MARCHF10: variants seen among roughly 807,000 people sequenced by gnomAD.
MARCHF10 encodes membrane associated ring-CH-type finger 10, also known as probable E3 ubiquitin-protein ligase MARCHF10.
Under a neutral mutation model 76.2 loss-of-function variants are expected in MARCHF10, and 64 were observed. The observed-to-expected ratio is 0.84, with a 90% CI of 0.69 to 1.03. The LOEUF is 1.03. MARCHF10 is among the 50% of genes least tolerant of loss of function. The pLI, the probability that MARCHF10 is intolerant of heterozygous loss-of-function variation, is 0.00. For missense variants in MARCHF10, 875 were observed against 958.0 expected (o/e 0.91, Z 1.14); for synonymous variants, 340 against 357.5 (o/e 0.95, Z 0.55).
intron 10 of MARCHF10, chr17:62,704,945 CG>C (rs1599021898): frequency 1.2e-6 from 1 of 856,830 alleles, no homozygotes. Context: ...TTTCTCCAGT[CG>C]TTTTTTTTTT....
At chr17:62,733,052 T>C (rs2147783943) in intron 6 of MARCHF10, among the ~76,000 whole-genome samples, 1 of 139,768 alleles carries the variant, frequency 7.2e-6, no homozygotes, top group Admixed American at 7.0e-5. Flanking sequence ...AAACTACAAA[T>C]TGGGAAAAGA....
At position 62,725,095 on chromosome 17, in the gene MARCHF10, C is replaced by A; in HGVS notation, c.1947G>T (p.Glu649Asp). 2 of 1,587,746 alleles carry A rather than the reference C, an allele frequency of 1.3e-6. No homozygotes were observed. Among genetic ancestry groups the A allele is most frequent in the Middle Eastern group, 3.4e-4 (2 of 5,868 alleles). ...KLKKLQESLL[E>D]EDSEEEGDLC... is the part of the protein sequence containing the mutation. ...AGTCTCCCTCCTCCTCGGAGTCCTC[C>A]TCCAGGAGACTAAATGTGAAAACAA... The change falls in exon 7 of 11, where the codon GAG (glutamate) becomes GAT (aspartate). Residue 649 changes from glutamate (E) to aspartate (D), a missense_variant. Coordinates refer to ENST00000311269, the MANE Select transcript of MARCHF10 (RefSeq NM_152598.4).
At chr17:62,702,119 G>A (rs1357008179) in intron 10 of MARCHF10, among the ~76,000 whole-genome samples, 2 of 152,202 alleles carry the variant, frequency 1.3e-5, no homozygotes, top group East Asian at 1.9e-4. Flanking sequence ...ATTTGGCAGG[G>A]AAGGGGGAAC....
intron 5 of MARCHF10, among the ~76,000 whole-genome samples, chr17:62,739,554 T>C (rs920047291): frequency 7.9e-5 from 12 of 152,010 alleles, no homozygotes; most frequent in African/African-American, 2.4e-4. Context: ...GCTAATTTTG[T>C]ATTTTTAGTA....
rs199694541 is a variant in MARCHF10 at position 62,711,218 on chromosome 17, C to T, written c.2328+13G>A. The T allele has an allele frequency of 6.8e-6, 11 of 1,612,392 alleles. No individual in the cohort carries two copies. In the East Asian group the frequency reaches 1.1e-4, roughly 16 times the overall value. ...GCTGCCACCGGACAGCTCTGGGTCA[C>T]AGCCAGACTTACCCTCTCTCTTTCC... is the stretch of plus-strand genomic sequence containing the variant. On this transcript the variant is annotated intron_variant, in intron 9 of 10. Coordinates refer to ENST00000311269, the MANE Select transcript of MARCHF10 (RefSeq NM_152598.4). This position sits in a 1 kb window ranked among gnomAD's most constrained non-coding sequence, Gnocchi z 4.4.
chr17:62,715,936 G>C (rs563030040), intron 8 of MARCHF10, among the ~76,000 whole-genome samples: 5 of 152,272 alleles, frequency 3.3e-5, no homozygotes, highest in Admixed American at 3.3e-4. Context: ...AAAGGCCACC[G>C]ACAGTGCTGA....
intron 3 of MARCHF10, among the ~76,000 whole-genome samples, chr17:62,783,622 C>T (rs918659621): frequency 1.3e-5 from 2 of 151,966 alleles, no homozygotes; most frequent in Non-Finnish European, 2.9e-5. Context: ...AATTGATAGA[C>T]TGCTAACAAG....
chr17:62,800,868 T>C (rs998988533), intron 2 of MARCHF10, among the ~76,000 whole-genome samples: 3 of 151,998 alleles, frequency 2.0e-5, no homozygotes, highest in Admixed American at 6.5e-5. Flanking sequence ...ACGTAAACAC[T>C]GTAACTAGGG....
intron 6 of MARCHF10, among the ~76,000 whole-genome samples, chr17:62,725,557 G>A (rs572448518): frequency 5.3e-5 from 8 of 152,352 alleles, no homozygotes; most frequent in Admixed American, 1.3e-4. Flanking sequence ...GAGCCCCTGG[G>A]CCTGGCTGAG....
At chr17:62,721,523 T>C (rs948627204) in intron 8 of MARCHF10, among the ~76,000 whole-genome samples, 19 of 152,200 alleles carry the variant, frequency 1.2e-4, no homozygotes, top group African/African-American at 4.6e-4. Flanking sequence ...ATTGTGGATA[T>C]TGCCAACAAA....
At chr17:62,770,663 C>A (rs952265613) in intron 3 of MARCHF10, among the ~76,000 whole-genome samples, 41 of 151,682 alleles carry the variant, frequency 2.7e-4, no homozygotes, top group African/African-American at 9.7e-4. Flanking sequence ...GCCTCAGCCT[C>A]CTGAGTAGCT....
At chr17:62,799,132 G>T (rs1214468605) in intron 2 of MARCHF10, among the ~76,000 whole-genome samples, 1 of 152,160 alleles carries the variant, frequency 6.6e-6, no homozygotes, top group Non-Finnish European at 1.5e-5. Context: ...GGAGCTGATG[G>T]ACAAGTAAAT....
intron 5 of MARCHF10, among the ~76,000 whole-genome samples, chr17:62,742,617 G>A (rs2091553690): frequency 6.6e-6 from 1 of 152,042 alleles, no homozygotes; most frequent in African/African-American, 2.4e-5. Flanking sequence ...AATTGTATGA[G>A]TCCCATCCGT....
chr17:62,722,277 CAAA>C (rs57370093), intron 8 of MARCHF10, among the ~76,000 whole-genome samples: 105 of 78,920 alleles, frequency 1.3e-3, no homozygotes, highest in African/African-American at 3.2e-3. Context: ...GACTCTGTCT[CAAA>C]AAAAAAAAAA....
chr17:62,744,125 G>A (rs1437532818), intron 5 of MARCHF10, among the ~76,000 whole-genome samples: 4 of 152,040 alleles, frequency 2.6e-5, no homozygotes, highest in Admixed American at 1.3e-4. Flanking sequence ...CACTCATGGA[G>A]TTATGGGAGA....
intron 9 of MARCHF10, among the ~76,000 whole-genome samples, chr17:62,705,923 G>C (rs1409944831): frequency 6.6e-6 from 1 of 152,234 alleles, no homozygotes; most frequent in Admixed American, 6.5e-5. Context: ...GGTGAAGGCC[G>C]TGCTAATTGG....
At chr17:62,788,923 C>T (rs565002592) in intron 2 of MARCHF10, among the ~76,000 whole-genome samples, 3 of 151,418 alleles carry the variant, frequency 2.0e-5, no homozygotes, top group South Asian at 4.2e-4. Flanking sequence ...ATTAGCCGGG[C>T]GCGGTGGCGG....
At chr17:62,724,757 A>G (rs941458239) in intron 7 of MARCHF10, among the ~76,000 whole-genome samples, 181 bp downstream of exon 7, 1 of 151,806 alleles carries the variant, frequency 6.6e-6, no homozygotes, top group Non-Finnish European at 1.5e-5. Context: ...AAAACCCCCA[A>G]CTCCCTCCCA....
chr17:62,713,015 G>T (rs1281136660), intron 8 of MARCHF10, among the ~76,000 whole-genome samples: 1 of 152,156 alleles, frequency 6.6e-6, no homozygotes, highest in African/African-American at 2.4e-5. Flanking sequence ...AAAGTGCTGG[G>T]ATTACAGGTG....
Sources: allele counts gnomAD v4.1 joint callset (sites outside exome capture counted in the v4.1 genomes callset), GRCh38; gene constraint gnomAD v4.1.1; non-coding constraint Gnocchi (gnomAD v3.1); transcripts MANE v1.5; gene names NCBI Gene and HGNC (gene_info 2026-07-23, HGNC 2026-07-21).